Variants in FBXW7 observed in about 807,000 individuals in gnomAD.
FBXW7 encodes F-box and WD repeat domain containing 7, also known as F-box/WD repeat-containing protein 7.
In FBXW7, 11 loss-of-function variants were observed where a neutral mutation model predicts 86.3. The ratio of observed to expected loss-of-function variants is 0.13; its 90% CI spans 0.08 to 0.21. The LOEUF (loss-of-function observed/expected upper bound fraction) is 0.21, where lower values mean the gene tolerates loss of function less well. Among genes scored for constraint, FBXW7 ranks in the 10% least tolerant of loss-of-function variants. The pLI, the probability that FBXW7 is intolerant of heterozygous loss-of-function variation, is 1.00. For synonymous variants in FBXW7, 313 were observed against 297.9 expected (o/e 1.05, Z -0.52); for missense variants, 488 against 847.4 (o/e 0.58, Z 5.27).
chr4:152,330,073 C>G (rs535638370), intron 9 of FBXW7, among the ~76,000 whole-genome samples: 2 of 151,788 alleles, frequency 1.3e-5, no homozygotes, highest in South Asian at 4.2e-4. Context: ...TAATCTATTC[C>G]ATCTGTTCAA....
intron 6 of FBXW7, among the ~76,000 whole-genome samples, chr4:152,342,693 T>A (rs1272285783): frequency 1.3e-5 from 2 of 152,208 alleles, no homozygotes; most frequent in African/African-American, 4.8e-5. Flanking sequence ...TCGAGTAACT[T>A]ATTATCTCCC....
intron 12 of FBXW7, 102 bp from the exon 13 acceptor site, chr4:152,324,496 T>C (rs1728828929): frequency 1.1e-6 from 1 of 921,948 alleles, no homozygotes; most frequent in African/African-American, 1.7e-5. Context: ...GGGAAACAGG[T>C]AATGCCAGGA....
chr4:152,527,865 TACACAC>T (rs149379203), intron 2 of FBXW7, among the ~76,000 whole-genome samples: 55 of 137,480 alleles, frequency 4.0e-4, no homozygotes, highest in South Asian at 1.1e-3. Context: ...AAAAATTATA[TACACAC>T]ACACACACAC....
chr4:152,335,573 T>C (rs926922807), intron 7 of FBXW7, among the ~76,000 whole-genome samples: 2 of 152,230 alleles, frequency 1.3e-5, no homozygotes, highest in Non-Finnish European at 2.9e-5. Context: ...CCCAGATTAG[T>C]ATTTCTTCCT....
intron 2 of FBXW7, among the ~76,000 whole-genome samples, chr4:152,457,643 CAAAAAAAAAAAA>C (rs769232533): frequency 1.7e-5 from 1 of 57,464 alleles, no homozygotes; most frequent in South Asian, 5.8e-4. Context: ...GACTCTGTCT[CAAAAAAAAAAAA>C]AAAAAAAAAA....
chr4:152,493,267 C>A (rs1441523146), intron 2 of FBXW7, among the ~76,000 whole-genome samples: 1 of 152,032 alleles, frequency 6.6e-6, no homozygotes, highest in East Asian at 1.9e-4. Flanking sequence ...CAGGTTCAAG[C>A]GATTCTCGTG....
chr4:152,411,296 T>C lies in FBXW7; in HGVS notation c.501+7A>G, dbSNP rs2126876026. On this transcript the variant is annotated splice_region_variant and intron_variant, in intron 4 of 13. Coordinates refer to ENST00000281708, the MANE Select transcript of FBXW7 (RefSeq NM_001349798.2). ...TCTCAGGTTAACAATATATTGAATA[T>C]ACTCACTTTTGTTGTTTTTGTATAG... The C allele has an allele frequency of 1.3e-6, 2 of 1,581,220 alleles. No individual in the cohort carries two copies. Among genetic ancestry groups the C allele is most frequent in the East Asian group, 2.2e-5 (1 of 44,464 alleles).
intron 2 of FBXW7, among the ~76,000 whole-genome samples, chr4:152,424,440 C>T (rs1317416253): frequency 1.3e-5 from 2 of 152,148 alleles, no homozygotes; most frequent in African/African-American, 4.8e-5. Flanking sequence ...ACCAAACATC[C>T]AAAACTTAGA....
chr4:152,477,566 ATACTC>A (rs1390304851), intron 2 of FBXW7, among the ~76,000 whole-genome samples: 1 of 152,180 alleles, frequency 6.6e-6, no homozygotes, highest in African/African-American at 2.4e-5. Context: ...AAACCCATAA[ATACTC>A]AACCACTGCA....
intron 4 of FBXW7, among the ~76,000 whole-genome samples, chr4:152,387,378 TCA>T (rs1203785722): frequency 5.9e-5 from 9 of 152,128 alleles, no homozygotes. Flanking sequence ...CTCACTTATT[TCA>T]CAGATACAGA....
At chr4:152,430,648 T>C (rs1357603771) in intron 2 of FBXW7, among the ~76,000 whole-genome samples, 1 of 152,090 alleles carries the variant, frequency 6.6e-6, no homozygotes, top group Non-Finnish European at 1.5e-5. Flanking sequence ...TTGTCAGTGG[T>C]GGTGGTGGTG....
chr4:152,526,855 T>C (rs989224323), intron 2 of FBXW7, among the ~76,000 whole-genome samples: 2 of 152,190 alleles, frequency 1.3e-5, no homozygotes, highest in Non-Finnish European at 1.5e-5. Flanking sequence ...TTCTTTTCTA[T>C]TAAAAAAAAG....
rs745947866 is a variant in FBXW7, at chr4:152,326,250, A to AAAAACAAAAC, written c.1419-29_1419-20dup. On this transcript the variant is annotated intron_variant, in intron 11 of 13. Transcript: ENST00000281708. Reference sequence around the variant, plus strand: ...AACAACTCTGCAGAGGGAGAAACAGAAAAACAAAACAAAACAAAAAAACCC... The same window carrying AAAAACAAAAC: ...AACAACTCTGCAGAGGGAGAAACAGAAAAACAAAACAAAACAAAACAAAACAAAAAAACCC... The AAAAACAAAAC allele has an allele frequency of 5.0e-6, 8 of 1,591,886 alleles. No individual in the cohort carries two copies. The highest frequency in any genetic ancestry group is 6.0e-6 in the Non-Finnish European group (7 of 1,165,822).
Position 152,329,785 on chromosome 4 carries a change from C to T in FBXW7, c.1123G>A (p.Val375Met), listed in dbSNP as rs2126526705. ...ACATGATCATCATGTCCTTTCAGCA[C>T]CTATAAGAAAGATGTGCAGATTAGA... ...WRRGELKSPKVLKGHDDHVIT... is the reference protein window; with the variant it reads ...WRRGELKSPKMLKGHDDHVIT... Residue 375 changes from valine to methionine, a missense_variant and splice_region_variant, in exon 10 of 14, where the codon GTG becomes ATG. This residue lies in a region of FBXW7 where 57 missense variants were observed against 62.8 expected (regional missense o/e 0.91). Coordinates refer to ENST00000281708, the MANE Select transcript of FBXW7 (RefSeq NM_001349798.2). The T allele has an allele frequency of 2.0e-6, 3 of 1,526,422 alleles. No individual in the cohort carries two copies. The highest frequency in any genetic ancestry group is 2.6e-6 in the Non-Finnish European group (3 of 1,135,692). 94.6% of individuals were successfully genotyped at this position (1,526,422 alleles called of 1,614,324 possible). A position where few individuals can be genotyped will look rare whatever the true frequency, so the allele number is the denominator to read the frequency against.
chr4:152,349,275 A>T (rs1056458832), intron 5 of FBXW7, among the ~76,000 whole-genome samples: 1 of 151,178 alleles, frequency 6.6e-6, no homozygotes. Context: ...CACTTATTTT[A>T]AAAACTGGCA....
chr4:152,456,992 A>T (rs1742475969), intron 2 of FBXW7, among the ~76,000 whole-genome samples: 1 of 152,252 alleles, frequency 6.6e-6, no homozygotes, highest in Admixed American at 6.5e-5. Context: ...AAATGGGCAA[A>T]AAATAAATTG....
At chr4:152,404,632 C>T (rs546171814) in intron 4 of FBXW7, among the ~76,000 whole-genome samples, 2 of 152,134 alleles carry the variant, frequency 1.3e-5, no homozygotes, top group African/African-American at 2.4e-5. Context: ...TTGCCTTCAA[C>T]TGATTTCTGC....
chr4:152,498,735 G>C (rs1250835151), intron 2 of FBXW7, among the ~76,000 whole-genome samples: 1 of 152,110 alleles, frequency 6.6e-6, no homozygotes, highest in Non-Finnish European at 1.5e-5. Flanking sequence ...CTGCTGGGAT[G>C]GTATAAGAAA....
At chr4:152,434,126 G>C (rs1560892591) in intron 2 of FBXW7, among the ~76,000 whole-genome samples, 2 of 152,154 alleles carry the variant, frequency 1.3e-5, no homozygotes, top group Non-Finnish European at 2.9e-5. Context: ...AGTATACCTA[G>C]ATTTTGGTGT....
Sources: gnomAD v4.1 joint callset for allele counts (sites outside exome capture counted in the v4.1 genomes callset) on GRCh38, gnomAD v4.1.1 for gene constraint, gnomAD v4.1.1 regional missense constraint, MANE v1.5 for transcripts, NCBI Gene and HGNC (gene_info 2026-07-23, HGNC 2026-07-21) for gene names.